The following KIRREL3 variants were observed in gnomAD, a reference collection of about 807,000 sequenced individuals.
The protein encoded by KIRREL3 is kin of IRRE-like protein 3.
In KIRREL3, 36 loss-of-function variants were observed where a neutral mutation model predicts 89.7. That is an observed-to-expected ratio of 0.40 (90% CI 0.31 to 0.53). The LOEUF (loss-of-function observed/expected upper bound fraction) is 0.53. Among genes scored for constraint, KIRREL3 ranks in the 20% least tolerant of loss-of-function variants. The pLI, the probability that KIRREL3 is intolerant of heterozygous loss-of-function variation, is 0.49. For synonymous variants in KIRREL3, 445 were observed against 441.4 expected (o/e 1.01, Z -0.10); for missense variants, 864 against 1,056.6 (o/e 0.82, Z 2.53).
In KIRREL3 at chr11:126,905,582, G is replaced by A. The variant is rs553039756; in HGVS notation, c.55+94873C>T. Among the ~76,000 whole-genome samples the A allele has an allele frequency of 4.6e-5, 7 of 152,192 alleles. No individual in the cohort carries two copies. Among genetic ancestry groups the A allele is most frequent in the South Asian group, 2.1e-4 (1 of 4,816 alleles). ...TTTTGGGCCTTATCGAACCTGTCCCGCTTGTGACCCACAAGAGCATTGCAA... is the reference window on the plus strand; with the variant it reads ...TTTTGGGCCTTATCGAACCTGTCCCACTTGTGACCCACAAGAGCATTGCAA... On this transcript the variant is annotated intron_variant, in intron 1 of 16. Coordinates refer to ENST00000525144, the MANE Select transcript of KIRREL3 (RefSeq NM_032531.4). This position sits in a 1 kb window ranked among gnomAD's most constrained non-coding sequence, Gnocchi z 5.0.
chr11:126,886,285 T>C (rs952257643), intron 1 of KIRREL3, among the ~76,000 whole-genome samples: 1 of 152,206 alleles, frequency 6.6e-6, no homozygotes, highest in South Asian at 2.1e-4. Context: ...CTCACTAATA[T>C]CTATTTTCAG....
intron 7 of KIRREL3, among the ~76,000 whole-genome samples, chr11:126,450,990 A>C (rs1412455910): frequency 7.9e-6 from 1 of 126,690 alleles, no homozygotes; most frequent in Non-Finnish European, 1.7e-5. Context: ...TGCATGTGTC[A>C]ATGTGCATGT....
At position 126,704,173 on chromosome 11, in the gene KIRREL3, A is replaced by G. The variant is rs1234130787; in HGVS notation, c.56-141261T>C. Among the ~76,000 whole-genome samples, 1 of 152,184 alleles carries G rather than the reference A, an allele frequency of 6.6e-6. No individual in the cohort carries two copies. Among genetic ancestry groups the G allele is most frequent in the Non-Finnish European group, 1.5e-5 (1 of 68,028 alleles). ...CTGTCACACAATCTTGCACACACCC[A>G]CACATTTGCACATGCCCATCCAGCT... On this transcript the variant is annotated intron_variant, in intron 1 of 16. Transcript: ENST00000525144. This position sits in a 1 kb window ranked among gnomAD's most constrained non-coding sequence, Gnocchi z 4.2.
rs1378574596 is a variant in KIRREL3 at position 126,568,189 on chromosome 11, GCT to G, written c.56-5279_56-5278del. 6.6e-6 allele frequency among the ~76,000 whole-genome samples: 1 copy of G among 152,112 alleles called. No individual in the cohort carries two copies. Among genetic ancestry groups the G allele is most frequent in the African/African-American group, 2.4e-5 (1 of 41,448 alleles). ...CAATGAGCCTCACCCAGGAGTCTGGGCTCTCTCTTAAAGGAGGTGGGAGCCAC... is the reference window on the plus strand; with the variant it reads ...CAATGAGCCTCACCCAGGAGTCTGGGCTCTCTTAAAGGAGGTGGGAGCCAC... On this transcript the variant is annotated intron_variant, in intron 1 of 16. Coordinates refer to ENST00000525144, the MANE Select transcript of KIRREL3 (RefSeq NM_032531.4). The surrounding 1 kb of genome is among the most constrained non-coding windows in gnomAD (Gnocchi z 4.6).
rs1565657298 is a variant in KIRREL3 at position 126,696,337 on chromosome 11, TCTC to T, written c.56-133428_56-133426del. The stretch of plus-strand genomic sequence containing the variant: ...AACCCTTCTCCCTTTCTTTGACCCT[TCTC>T]CTCCTTGGTTGCCTTGTGTGGTTGA... On this transcript the variant is annotated intron_variant, in intron 1 of 16. Coordinates refer to ENST00000525144, the MANE Select transcript of KIRREL3 (RefSeq NM_032531.4). This position sits in a 1 kb window ranked among gnomAD's most constrained non-coding sequence, Gnocchi z 4.4. 2.6e-5 allele frequency among the ~76,000 whole-genome samples: 4 copies of T among 151,828 alleles called. No homozygotes were observed. In the South Asian group the frequency reaches 8.3e-4, roughly 32 times the overall value.
chr11:126,765,505 G>C (rs1284630685), intron 1 of KIRREL3, among the ~76,000 whole-genome samples: 1 of 152,190 alleles, frequency 6.6e-6, no homozygotes, highest in Admixed American at 6.5e-5. Flanking sequence ...CAACGGGTCT[G>C]TGTCTCCTGC....
intron 1 of KIRREL3, among the ~76,000 whole-genome samples, chr11:126,678,591 C>A (rs1946302575): frequency 1.1e-5 from 1 of 89,292 alleles, no homozygotes; most frequent in Non-Finnish European, 2.0e-5. Context: ...TAGAGCAAGA[C>A]TCTGTCTCAA....
At chr11:126,857,376 C>T (rs927990639) in intron 1 of KIRREL3, among the ~76,000 whole-genome samples, 8 of 152,226 alleles carry the variant, frequency 5.3e-5, no homozygotes, top group African/African-American at 1.7e-4. Flanking sequence ...GTTTATTTAG[C>T]CAATGATTGC....
At chr11:126,721,783 C>G (rs1948182162) in intron 1 of KIRREL3, among the ~76,000 whole-genome samples, 2 of 152,158 alleles carry the variant, frequency 1.3e-5, no homozygotes, top group Non-Finnish European at 2.9e-5. Context: ...AGGATGATAA[C>G]AGGGTGCGTT....
chr11:126,681,872 A>C (rs1266245152), intron 1 of KIRREL3: 2 of 455,418 alleles, frequency 4.4e-6, no homozygotes, highest in African/African-American at 4.0e-5. Context: ...AGTACTTTGC[A>C]AACAAATCAA....
intron 1 of KIRREL3, among the ~76,000 whole-genome samples, chr11:126,893,982 T>A (rs185049897): frequency 4.7e-4 from 72 of 152,296 alleles, no homozygotes; most frequent in African/African-American, 1.7e-3. Context: ...TGGCTGTAGA[T>A]AATGAGATGG....
chr11:126,963,001 T>C (rs1047345465), intron 1 of KIRREL3, among the ~76,000 whole-genome samples: 3 of 152,214 alleles, frequency 2.0e-5, no homozygotes, highest in African/African-American at 7.2e-5. Flanking sequence ...GACTATGGTA[T>C]AGTGTAAACA....
chr11:126,716,133 A>G (rs1947951880), intron 1 of KIRREL3, among the ~76,000 whole-genome samples: 1 of 151,910 alleles, frequency 6.6e-6, no homozygotes, highest in African/African-American at 2.4e-5. Context: ...GGAGGGGAGA[A>G]GGAGGAACAG....
chr11:126,775,080 G>A (rs1281791356), intron 1 of KIRREL3, among the ~76,000 whole-genome samples: 3 of 152,026 alleles, frequency 2.0e-5, no homozygotes, highest in African/African-American at 4.8e-5. Flanking sequence ...TAGTTTTCCC[G>A]AGCAGCTGGG....
At chr11:126,542,299 C>T (rs1285336212) in intron 2 of KIRREL3, among the ~76,000 whole-genome samples, 1 of 144,270 alleles carries the variant, frequency 6.9e-6, no homozygotes, top group Admixed American at 6.7e-5. Context: ...CACAGACCAT[C>T]TTGGGGCAAC....
chr11:126,443,557 C>T lies in KIRREL3; in HGVS notation c.1252+1422G>A, dbSNP rs1161540078. The stretch of plus-strand genomic sequence containing the variant: ...TGGGGTCTGGGTAGACTCAGCCTCC[C>T]TTGGGGGCTGCCACGACTCTGGGGT... On this transcript the variant is annotated intron_variant, in intron 10 of 16. Transcript: ENST00000525144. This position sits in a 1 kb window ranked among gnomAD's most constrained non-coding sequence, Gnocchi z 7.3. Among the ~76,000 whole-genome samples the T allele has an allele frequency of 6.6e-6, 1 of 151,060 alleles. No homozygotes were observed. Among genetic ancestry groups the T allele is most frequent in the African/African-American group, 2.4e-5 (1 of 41,012 alleles).
chr11:126,453,304 C>T (rs1956244166), intron 7 of KIRREL3, among the ~76,000 whole-genome samples: 1 of 152,048 alleles, frequency 6.6e-6, no homozygotes, highest in African/African-American at 2.4e-5. Flanking sequence ...GAGAGACTCT[C>T]AGAGGAAAGG....
chr11:126,975,933 TC>T (rs1949560478), intron 1 of KIRREL3, among the ~76,000 whole-genome samples: 2 of 56,062 alleles, frequency 3.6e-5, no homozygotes, highest in African/African-American at 6.9e-5. Context: ...CCTCCCTCCC[TC>T]CCTCCCTTCC....
rs960410276 is a variant in KIRREL3 at position 126,571,647 on chromosome 11, C to A, written c.56-8735G>T. ...ATTTGACAGAAGGGAAACCGAGGAT[C>A]CAAAAGGTTACAAAACTTCCCCAAG... On this transcript the variant is annotated intron_variant, in intron 1 of 16. Coordinates refer to ENST00000525144, the MANE Select transcript of KIRREL3 (RefSeq NM_032531.4). This position sits in a 1 kb window ranked among gnomAD's most constrained non-coding sequence, Gnocchi z 7.7. Among the ~76,000 whole-genome samples the A allele has an allele frequency of 6.6e-6, 1 of 152,166 alleles. No homozygotes were observed. Among genetic ancestry groups the A allele is most frequent in the East Asian group, 1.9e-4 (1 of 5,190 alleles).
Sources: gnomAD v4.1 joint callset for allele counts (sites outside exome capture counted in the v4.1 genomes callset) on GRCh38, gnomAD v4.1.1 for gene constraint, Gnocchi (gnomAD v3.1) non-coding constraint, MANE v1.5 for transcripts, NCBI Gene and HGNC (gene_info 2026-07-23, HGNC 2026-07-21) for gene names.